The following VPS53 variants were observed in gnomAD, a reference collection of about 807,000 sequenced individuals.
The protein encoded by VPS53 is VPS53 subunit of GARP complex.
A neutral mutation model predicts 107.0 loss-of-function variants in VPS53; 70 were observed. The ratio of observed to expected loss-of-function variants is 0.65; its 90% confidence interval spans 0.54 to 0.80. The LOEUF (loss-of-function observed/expected upper bound fraction) is 0.80. Among genes scored for constraint, VPS53 ranks in the 30% least tolerant of loss-of-function variants. VPS53 has a pLI of 0.00. For missense variants in VPS53, 917 were observed against 1,049.4 expected, an observed-to-expected ratio of 0.87 and a Z score of 1.74; for synonymous variants, 409 against 393.3, an observed-to-expected ratio of 1.04 and a Z score of -0.47.
chr17:686,181 A>G (rs770780237), intron 4 of VPS53, among the ~76,000 whole-genome samples: 17 of 152,036 alleles, frequency 1.1e-4, no homozygotes, highest in Non-Finnish European at 2.2e-4. Context: ...ACAGTCAGGC[A>G]TAGTGGTGTG....
chr17:646,510 CCGTAT>C (rs1970718955), intron 7 of VPS53, among the ~76,000 whole-genome samples: 7 of 121,874 alleles, frequency 5.7e-5, no homozygotes, highest in Admixed American at 1.8e-4. Context: ...CTTTTCTAAT[CCGTAT>C]CACGGACTGG....
intron 7 of VPS53, among the ~76,000 whole-genome samples, chr17:637,302 C>A (rs1236018523): frequency 1.3e-5 from 2 of 151,934 alleles, no homozygotes; most frequent in Non-Finnish European, 2.9e-5. Context: ...TTTGATTCTT[C>A]TCTCTTTTCT....
chr17:678,874 C>T (rs1972270943), intron 4 of VPS53, among the ~76,000 whole-genome samples: 1 of 151,962 alleles, frequency 6.6e-6, no homozygotes, highest in Non-Finnish European at 1.5e-5. Context: ...CTCCTGACCT[C>T]GTGATCTGCC....
At chr17:607,123 T>C (rs922133801) in intron 11 of VPS53, among the ~76,000 whole-genome samples, 2 of 152,166 alleles carry the variant, frequency 1.3e-5, no homozygotes, top group South Asian at 2.1e-4. Context: ...CAGTAATTAA[T>C]AGGGTGAGCT....
chr17:556,610 C>T (rs538555021), intron 15 of VPS53, among the ~76,000 whole-genome samples: 4 of 152,174 alleles, frequency 2.6e-5, no homozygotes, highest in Non-Finnish European at 5.9e-5. Flanking sequence ...GGTATGAGGT[C>T]ATGAGGGCTC....
At chr17:654,221 A>T (rs1328627970) in intron 6 of VPS53, among the ~76,000 whole-genome samples, 3 of 152,072 alleles carry the variant, frequency 2.0e-5, no homozygotes, top group African/African-American at 7.2e-5. Flanking sequence ...ATACACAAAG[A>T]GCAGCACTTT....
intron 12 of VPS53, among the ~76,000 whole-genome samples, chr17:592,526 T>C (rs959469609): frequency 2.0e-5 from 3 of 152,212 alleles, no homozygotes; most frequent in Non-Finnish European, 4.4e-5. Context: ...CAGTGGCTGG[T>C]ACCGGTTGTT....
At chr17:538,253 G>A (rs1263034340) in intron 17 of VPS53, 1 of 152,442 alleles carries the variant, frequency 6.6e-6, no homozygotes, top group Non-Finnish European at 1.5e-5. Context: ...GGCTGGCAGG[G>A]AAGGGCATTC....
At chr17:572,630 G>C (rs1003339049) in intron 13 of VPS53, among the ~76,000 whole-genome samples, 7 of 151,754 alleles carry the variant, frequency 4.6e-5, no homozygotes, top group Non-Finnish European at 8.8e-5. Flanking sequence ...GATGGTTGCC[G>C]TGTCTGTGTG....
intron 2 of VPS53, among the ~76,000 whole-genome samples, chr17:704,449 T>C (rs1973325325): frequency 1.3e-5 from 2 of 152,356 alleles, no homozygotes; most frequent in South Asian, 2.1e-4. Flanking sequence ...AAACTCATAA[T>C]GTACAAGTGT....
At chr17:596,274 G>C (rs1345410862) in intron 12 of VPS53, among the ~76,000 whole-genome samples, 1 of 152,200 alleles carries the variant, frequency 6.6e-6, no homozygotes, top group African/African-American at 2.4e-5. Context: ...GTTGGAGTAA[G>C]TGTGAAGAGC....
intron 13 of VPS53, among the ~76,000 whole-genome samples, chr17:580,057 C>A (rs1017348297): frequency 1.5e-4 from 23 of 151,620 alleles, no homozygotes; most frequent in African/African-American, 5.3e-4. Flanking sequence ...TACCAGAAAA[C>A]CTCCCTCAGG....
At chr17:635,033 T>C (rs1970134028) in intron 7 of VPS53, among the ~76,000 whole-genome samples, 1 of 152,226 alleles carries the variant, frequency 6.6e-6, no homozygotes, top group Non-Finnish European at 1.5e-5. Context: ...TTGTTCCTAT[T>C]TCTCCACATC....
chr17:536,631 G>A (rs1402220438), intron 18 of VPS53: 1 of 180,384 alleles, frequency 5.5e-6, no homozygotes. Flanking sequence ...AATCAGTACT[G>A]CAGGCACCAG....
At chr17:627,771 G>T (rs978128396) in intron 9 of VPS53, among the ~76,000 whole-genome samples, 2 of 33,308 alleles carry the variant, frequency 6.0e-5, no homozygotes, top group African/African-American at 1.2e-4. Flanking sequence ...GCGAAACTCC[G>T]TCTCACACAC....
chr17:655,755 T>A, intron 6 of VPS53, 83 bp downstream of exon 6: 1 of 1,283,200 alleles, frequency 7.8e-7, no homozygotes, highest in African/African-American at 1.5e-5. Flanking sequence ...CTTTCCTGGC[T>A]GAGAAGTAAA....
intron 9 of VPS53, among the ~76,000 whole-genome samples, chr17:627,778 A>T (rs932689996): frequency 1.4e-5 from 2 of 143,168 alleles, no homozygotes; most frequent in South Asian, 2.2e-4. Flanking sequence ...TCCGTCTCAC[A>T]CACACACACA....
At chr17:610,127 TCA>T (rs200106767) in intron 11 of VPS53, among the ~76,000 whole-genome samples, 2,194 of 134,518 alleles carry the variant, frequency 0.016, 58 homozygotes, top group African/African-American at 0.048. Flanking sequence ...TGAGACTCCG[TCA>T]CACACACACA....
At chr17:657,199 A>C (rs1265764462) in intron 5 of VPS53, 1 of 1,519,636 alleles carries the variant, frequency 6.6e-7, no homozygotes. Context: ...GCCCACAAAG[A>C]TTTTTCTCAC....
Sources: gnomAD v4.1 joint callset for allele counts (sites outside exome capture counted in the v4.1 genomes callset) on GRCh38, gnomAD v4.1.1 for gene constraint, MANE v1.5 for transcripts, NCBI Gene and HGNC (gene_info 2026-07-23, HGNC 2026-07-21) for gene names.